Variants in ZMYND8 observed in about 807,000 individuals in gnomAD.
The protein encoded by ZMYND8 is MYND-type zinc finger-containing chromatin reader ZMYND8.
A neutral mutation model predicts 140.8 loss-of-function variants in ZMYND8; 37 were observed. That is an observed-to-expected ratio of 0.26 (90% CI 0.20 to 0.35). ZMYND8 has a LOEUF of 0.35. ZMYND8 is among the 10% of genes least tolerant of loss of function. The probability of loss-of-function intolerance (pLI) is 1.00; values close to 1 mark genes in which losing one functional copy is unlikely to be tolerated. For synonymous variants in ZMYND8, 592 were observed against 597.1 expected, an observed-to-expected ratio of 0.99 and a Z score of 0.12; for missense variants, 1,068 against 1,570.0, an observed-to-expected ratio of 0.68 and a Z score of 5.40.
chr20:47,255,487 T>C (rs2074527116), intron 12 of ZMYND8, among the ~76,000 whole-genome samples: 1 of 150,340 alleles, frequency 6.7e-6, no homozygotes, highest in Admixed American at 6.7e-5. Flanking sequence ...GGTGGAGATA[T>C]AAATATATAT....
chr20:47,248,970 G>A (rs553019259), intron 13 of ZMYND8, among the ~76,000 whole-genome samples: 5 of 88,518 alleles, frequency 5.6e-5, no homozygotes, highest in East Asian at 5.4e-4. Flanking sequence ...ACACTGATGC[G>A]TACTGAGGAG....
At chr20:47,308,464 G>C (rs113572533) in intron 3 of ZMYND8, among the ~76,000 whole-genome samples, 1 of 151,884 alleles carries the variant, frequency 6.6e-6, no homozygotes, top group Non-Finnish European at 1.5e-5. Context: ...CAGGCGATCC[G>C]TTTGCCTCGG....
chr20:47,263,100 AT>A (rs2075273386), intron 11 of ZMYND8, among the ~76,000 whole-genome samples: 1 of 152,190 alleles, frequency 6.6e-6, no homozygotes, highest in South Asian at 2.1e-4. Flanking sequence ...CCCCTGCCTC[AT>A]TTCACAGGGT....
At chr20:47,220,467 T>C in intron 20 of ZMYND8, 143 bp from the exon 21 acceptor site, 1 of 722,960 alleles carries the variant, frequency 1.4e-6, no homozygotes, top group South Asian at 1.7e-5. Flanking sequence ...CAGGTGGGAG[T>C]GATGGGCACA....
intron 6 of ZMYND8, among the ~76,000 whole-genome samples, chr20:47,290,713 T>A (rs953743092): frequency 4.1e-5 from 6 of 144,772 alleles, no homozygotes; most frequent in African/African-American, 1.5e-4. Context: ...TGCCTCAGCC[T>A]CCTGAATAGC....
chr20:47,318,685 C>A, intron 2 of ZMYND8: 1 of 456,362 alleles, frequency 2.2e-6, no homozygotes. Flanking sequence ...CGGTCTGCAC[C>A]CTGGCTGACT....
intron 16 of ZMYND8, among the ~76,000 whole-genome samples, chr20:47,232,474 G>A (rs1040104476): frequency 1.3e-5 from 2 of 152,018 alleles, no homozygotes; most frequent in African/African-American, 4.8e-5. Flanking sequence ...TGGGAGGGTC[G>A]CTTGAACCCA....
At chr20:47,292,023 AC>A (rs1253427793) in intron 5 of ZMYND8, 135 bp from the exon 6 acceptor site, 4 of 646,420 alleles carry the variant, frequency 6.2e-6, no homozygotes, top group Non-Finnish European at 9.7e-6. Flanking sequence ...ATAAAGGATG[AC>A]CGTGGGGAGC....
intron 16 of ZMYND8, among the ~76,000 whole-genome samples, chr20:47,232,871 T>G (rs951893404): frequency 6.6e-6 from 1 of 151,648 alleles, no homozygotes; most frequent in Non-Finnish European, 1.5e-5. Context: ...AACACTTTCA[T>G]GACAACCTCC....
At chr20:47,346,394 G>A (rs1034609262) in intron 2 of ZMYND8, among the ~76,000 whole-genome samples, 12 of 152,136 alleles carry the variant, frequency 7.9e-5, no homozygotes, top group African/African-American at 2.9e-4. Flanking sequence ...CCCAGCACAG[G>A]CTGGGTCATG....
Position 47,239,053 on chromosome 20 carries a change from A to T in ZMYND8, c.2370T>A (p.Thr790=), listed in dbSNP as rs377213693. 6.3e-6 allele frequency: 10 copies of T among 1,574,976 alleles called. No individual in the cohort carries two copies. Among genetic ancestry groups the T allele is most frequent in the East Asian group, 2.3e-5 (1 of 44,424 alleles). The change falls in exon 15 of 23, where the codon ACT becomes ACA. Residue 790 remains threonine (T), a synonymous_variant. Transcript: ENST00000471951. Reference sequence around the variant, plus strand: ...TGGTGGCTGTGGCGCCAGCCGCGGAAGTTTGGGCGGAAGAGCGGGTGAGCA... The same window carrying T: ...TGGTGGCTGTGGCGCCAGCCGCGGATGTTTGGGCGGAAGAGCGGGTGAGCA... ...TPVLTRSSAQ[T]SAAGATATTS...
rs1368311626 is a variant in ZMYND8, at chr20:47,265,937, ATTGGTTT to A, written c.1481-3516_1481-3510del. On this transcript the variant is annotated intron_variant, in intron 11 of 22. Transcript: ENST00000471951. ...GCAAGAATAAGGGTGTCAGGAAAAC[ATTGGTTT>A]CCCATGGAGATGGGTCTGGTTCACA... is the stretch of plus-strand genomic sequence containing the variant. Among the ~76,000 whole-genome samples the A allele has an allele frequency of 4.6e-3, 695 of 152,276 alleles. 4 individuals carry two copies. The highest frequency in any genetic ancestry group is 0.016 in the African/African-American group (669 of 41,554).
At chr20:47,318,759 G>A (rs931590225) in intron 2 of ZMYND8, 1 of 479,670 alleles carries the variant, frequency 2.1e-6, no homozygotes, top group Non-Finnish European at 4.0e-6. Context: ...CCTGAACTGT[G>A]CTTATAAAGA....
chr20:47,228,112 A>G (rs1356965464), intron 17 of ZMYND8, among the ~76,000 whole-genome samples: 1 of 151,610 alleles, frequency 6.6e-6, no homozygotes, highest in Non-Finnish European at 1.5e-5. Context: ...AAAAAAATTT[A>G]ATTTAAAAAA....
intron 8 of ZMYND8, among the ~76,000 whole-genome samples, chr20:47,284,472 T>C (rs2076801619): frequency 6.6e-6 from 1 of 152,182 alleles, no homozygotes; most frequent in African/African-American, 2.4e-5. Context: ...CAGCCCTAAG[T>C]GTCAGCAGTA....
chr20:47,334,546 G>A (rs182837334), intron 2 of ZMYND8, among the ~76,000 whole-genome samples: 115 of 151,360 alleles, frequency 7.6e-4, no homozygotes, highest in African/African-American at 2.6e-3. Context: ...TTCTTATTGG[G>A]GGTGATGAAA....
At chr20:47,316,897 G>T (rs1242777282) in intron 2 of ZMYND8, among the ~76,000 whole-genome samples, 1 of 152,076 alleles carries the variant, frequency 6.6e-6, no homozygotes, top group African/African-American at 2.4e-5. Context: ...TAAGTCACCT[G>T]CCTGAGATCA....
intron 2 of ZMYND8, among the ~76,000 whole-genome samples, chr20:47,326,085 G>A (rs565575475): frequency 6.6e-6 from 1 of 152,318 alleles, no homozygotes; most frequent in Admixed American, 6.5e-5. Context: ...AGCCTCTTGA[G>A]TAGCTGGGAT....
chr20:47,212,746 G>A, intron 21 of ZMYND8, 21 bp from the exon 22 acceptor site: 1 of 1,591,160 alleles, frequency 6.3e-7, no homozygotes, highest in Non-Finnish European at 8.6e-7. Context: ...AGCACAGGTA[G>A]CCTCAGAGTC....
Sources: allele counts gnomAD v4.1 joint callset (sites outside exome capture counted in the v4.1 genomes callset), GRCh38; gene constraint gnomAD v4.1.1; transcripts MANE v1.5; gene names NCBI Gene and HGNC (gene_info 2026-07-23, HGNC 2026-07-21).